Variants in CNTN4 observed in about 807,000 individuals in gnomAD.
The protein encoded by CNTN4 is contactin 4.
In CNTN4, 77 loss-of-function variants were observed where a neutral mutation model predicts 122.5. That is an observed-to-expected ratio of 0.63 (90% CI 0.52 to 0.76). The LOEUF is 0.76. Ranked by LOEUF, CNTN4 falls within the 30% of genes least tolerant of loss-of-function variation. CNTN4 has a pLI of 0.00. For synonymous variants in CNTN4, 512 were observed against 447.0 expected (o/e 1.15, Z -1.83); for missense variants, 1,256 against 1,259.1 (o/e 1.00, Z 0.04).
At chr3:2,138,365 G>A (rs2125319486) in intron 2 of CNTN4, among the ~76,000 whole-genome samples, 1 of 152,190 alleles carries the variant, frequency 6.6e-6, no homozygotes, top group African/African-American at 2.4e-5. Context: ...ACCGTGCCCA[G>A]CCCCAGTATG....
chr3:2,153,553 G>A (rs1213439860), intron 2 of CNTN4, among the ~76,000 whole-genome samples: 1 of 152,142 alleles, frequency 6.6e-6, no homozygotes, highest in East Asian at 1.9e-4. Flanking sequence ...GAGATAGAGA[G>A]CAAAGTAACT....
intron 1 of CNTN4, 57 bp from the exon 2 acceptor site, chr3:2,100,501 C>A (rs2031841121): frequency 6.6e-6 from 1 of 152,184 alleles, no homozygotes; most frequent in Admixed American, 6.5e-5. Context: ...CATACAATAG[C>A]GTTCCCAAGT....
intron 2 of CNTN4, among the ~76,000 whole-genome samples, chr3:2,336,716 G>C (rs1029093707): frequency 4.6e-5 from 7 of 152,132 alleles, no homozygotes; most frequent in African/African-American, 1.7e-4. Flanking sequence ...ATGGGGACTT[G>C]ACTTAGGAAG....
intron 2 of CNTN4, among the ~76,000 whole-genome samples, chr3:2,269,410 T>C (rs2041178120): frequency 6.6e-6 from 1 of 152,156 alleles, no homozygotes; most frequent in African/African-American, 2.4e-5. Flanking sequence ...ATGGCTGTTT[T>C]GTTCACTGTC....
intron 3 of CNTN4, among the ~76,000 whole-genome samples, chr3:2,435,322 A>G (rs1270072042): frequency 2.0e-5 from 3 of 152,116 alleles, no homozygotes; most frequent in South Asian, 2.1e-4. Flanking sequence ...GACATAACCA[A>G]TGCACATTCT....
At chr3:2,410,491 G>T (rs925312316) in intron 3 of CNTN4, among the ~76,000 whole-genome samples, 3 of 152,146 alleles carry the variant, frequency 2.0e-5, no homozygotes, top group South Asian at 4.1e-4. Flanking sequence ...CTTGACAATT[G>T]TAAAATGGTA....
chr3:2,741,437 A>G (rs930328494), intron 5 of CNTN4, among the ~76,000 whole-genome samples: 1 of 152,206 alleles, frequency 6.6e-6, no homozygotes, highest in African/African-American at 2.4e-5. Context: ...CAACTCTCTA[A>G]TGGACCATAT....
At chr3:2,955,517 C>T (rs990348083) in intron 13 of CNTN4, among the ~76,000 whole-genome samples, 1 of 152,130 alleles carries the variant, frequency 6.6e-6, no homozygotes, top group Non-Finnish European at 1.5e-5. Context: ...TCCAGAAGGA[C>T]AGAGTGAGAA....
At chr3:2,594,036 A>G (rs891632100) in intron 4 of CNTN4, among the ~76,000 whole-genome samples, 1 of 152,146 alleles carries the variant, frequency 6.6e-6, no homozygotes, top group African/African-American at 2.4e-5. Flanking sequence ...ACCTTGACTT[A>G]TTTGAGAACA....
chr3:2,409,483 G>A (rs969086307), intron 3 of CNTN4, among the ~76,000 whole-genome samples: 8 of 151,976 alleles, frequency 5.3e-5, no homozygotes, highest in Non-Finnish European at 7.4e-5. Flanking sequence ...TCCTGACCTT[G>A]TGATCTGCAC....
At chr3:2,795,831 T>C (rs111780404) in intron 6 of CNTN4, among the ~76,000 whole-genome samples, 3 of 152,322 alleles carry the variant, frequency 2.0e-5, no homozygotes, top group African/African-American at 7.2e-5. Context: ...CAAATGGGTA[T>C]CTTTTGATTC....
chr3:2,259,313 A>G (rs533385261), intron 2 of CNTN4, among the ~76,000 whole-genome samples: 1 of 152,334 alleles, frequency 6.6e-6, no homozygotes, highest in East Asian at 1.9e-4. Context: ...CATTTTGGAC[A>G]ATGACTGATG....
rs1205068310 is a variant in CNTN4 at position 2,841,679 on chromosome 3, C to T, written c.454+22098C>T. Among the ~76,000 whole-genome samples, 1 of 151,990 alleles carries T rather than the reference C, an allele frequency of 6.6e-6. No individual in the cohort carries two copies. Among genetic ancestry groups the T allele is most frequent in the African/African-American group, 2.4e-5 (1 of 41,366 alleles). On this transcript the variant is annotated intron_variant, in intron 7 of 24. Transcript: ENST00000418658. The surrounding 1 kb of genome is among the most constrained non-coding windows in gnomAD (Gnocchi z 4.8). ...TTTGTTATATGGTAGAAGTATAGTC[C>T]GTAAGGAATAGAAAGGACGAGGTTG... is the stretch of plus-strand genomic sequence containing the variant.
At chr3:2,290,178 G>A (rs951256401) in intron 2 of CNTN4, among the ~76,000 whole-genome samples, 1 of 152,134 alleles carries the variant, frequency 6.6e-6, no homozygotes, top group Non-Finnish European at 1.5e-5. Context: ...GCAGCACAGA[G>A]CATTGATCCC....
intron 4 of CNTN4, among the ~76,000 whole-genome samples, chr3:2,658,979 C>G (rs1035970734): frequency 2.8e-5 from 4 of 145,200 alleles, no homozygotes; most frequent in African/African-American, 1.1e-4. Flanking sequence ...CACACACACA[C>G]ACACACACAC....
chr3:2,209,067 G>C (rs1332501040), intron 2 of CNTN4, among the ~76,000 whole-genome samples: 1 of 151,994 alleles, frequency 6.6e-6, no homozygotes, highest in African/African-American at 2.4e-5. Context: ...CTGTAGCCTG[G>C]GTAGGCTAAA....
chr3:2,570,989 A>T (rs1162966295), intron 3 of CNTN4, among the ~76,000 whole-genome samples: 1 of 152,176 alleles, frequency 6.6e-6, no homozygotes, highest in Non-Finnish European at 1.5e-5. Flanking sequence ...TCCATTGGAA[A>T]AATTGGGAAT....
rs562406621 is a variant in CNTN4, at chr3:2,337,924, T to C, written c.-144-1254T>C. ...AGCTTTAGTTTTACATCAGTTGCTGTCCTTAATGTAAGAAAGATAGGTGTT... is the reference window on the plus strand; with the variant it reads ...AGCTTTAGTTTTACATCAGTTGCTGCCCTTAATGTAAGAAAGATAGGTGTT... On this transcript the variant is annotated intron_variant, in intron 2 of 24. Transcript: ENST00000418658. Among the ~76,000 whole-genome samples, 5 of 152,220 alleles carry C rather than the reference T, an allele frequency of 3.3e-5. No homozygotes were observed. In the East Asian group the frequency reaches 9.6e-4, roughly 29 times the overall value.
At chr3:2,488,442 G>A (rs1054805626) in intron 3 of CNTN4, among the ~76,000 whole-genome samples, 1 of 152,130 alleles carries the variant, frequency 6.6e-6, no homozygotes, top group Non-Finnish European at 1.5e-5. Flanking sequence ...GTTCCAGTGT[G>A]AGTGAGTGTT....
Sources: gnomAD v4.1 joint callset for allele counts (sites outside exome capture counted in the v4.1 genomes callset) on GRCh38, gnomAD v4.1.1 for gene constraint, Gnocchi (gnomAD v3.1) non-coding constraint, MANE v1.5 for transcripts, NCBI Gene and HGNC (gene_info 2026-07-23, HGNC 2026-07-21) for gene names.